Variants in RUFY1 observed in about 807,000 individuals in gnomAD.
The protein encoded by RUFY1 is RUN and FYVE domain-containing protein 1.
In RUFY1, 54 loss-of-function variants were observed where a neutral mutation model predicts 94.6. The observed-to-expected ratio is 0.57, with a 90% CI of 0.46 to 0.72. The LOEUF (loss-of-function observed/expected upper bound fraction) is 0.72. Ranked by LOEUF, RUFY1 falls within the 30% of genes least tolerant of loss-of-function variation. RUFY1 has a pLI of 0.00. For missense variants in RUFY1, 883 were observed against 883.9 expected, an observed-to-expected ratio of 1.00 and a Z score of 0.01; for synonymous variants, 396 against 347.3, an observed-to-expected ratio of 1.14 and a Z score of -1.56.
At chr5:179,583,440 G>T (rs898110340) in intron 7 of RUFY1, among the ~76,000 whole-genome samples, 4 of 144,110 alleles carry the variant, frequency 2.8e-5, no homozygotes, top group Non-Finnish European at 6.0e-5. Flanking sequence ...ATTTTAAGAC[G>T]GAGTTTTGCT....
At chr5:179,609,206 C>CAAAAA (rs5873655) in intron 17 of RUFY1, among the ~76,000 whole-genome samples, 170 bp from the exon 18 acceptor site, 2,543 of 121,214 alleles carry the variant, frequency 0.021, 45 homozygotes, top group African/African-American at 0.037. Flanking sequence ...GACTCTATCT[C>CAAAAA]AAAAAAAAAA....
chr5:179,609,364 C>T lies in RUFY1; in HGVS notation c.1984-12C>T, dbSNP rs781359338. 3 of 1,612,214 alleles carry T rather than the reference C, an allele frequency of 1.9e-6. No individual in the cohort carries two copies. The highest frequency in any genetic ancestry group is 1.3e-5 in the African/African-American group (1 of 74,892). Reference sequence around the variant, plus strand: ...CCGGGTGTCCTGTGACCGCCTTCTTCCCGTCCTGTAGCACCACTGCCGGAA... The same window carrying T: ...CCGGGTGTCCTGTGACCGCCTTCTTTCCGTCCTGTAGCACCACTGCCGGAA... On this transcript the variant is annotated splice_polypyrimidine_tract_variant and intron_variant, in intron 17 of 17. Coordinates refer to ENST00000319449, the MANE Select transcript of RUFY1 (RefSeq NM_025158.5).
intron 3 of RUFY1, among the ~76,000 whole-genome samples, chr5:179,565,519 C>CA (rs1041655870): frequency 4.0e-5 from 6 of 151,810 alleles, no homozygotes; most frequent in African/African-American, 7.3e-5. Flanking sequence ...ATTGCCCATT[C>CA]AAAAAAAATT....
At chr5:179,608,631 T>C in intron 17 of RUFY1, 3 of 985,394 alleles carry the variant, frequency 3.0e-6, no homozygotes, top group South Asian at 4.7e-5. Flanking sequence ...ACTTTTTGTC[T>C]TAAAAACACC....
chr5:179,550,616 T>G lies in RUFY1; in HGVS notation c.47T>G (p.Leu16Arg), dbSNP rs1026743910. The G allele has an allele frequency of 1.6e-5, 21 of 1,302,388 alleles. 1 individual carries two copies. In the Admixed American group the frequency reaches 4.6e-4, roughly 29 times the overall value. 80.7% of individuals were successfully genotyped at this position (1,302,388 alleles called of 1,614,324 possible). The change falls in exon 1 of 18, where the codon CTG becomes CGG. Residue 16 changes from leucine (L) to arginine (R), a missense_variant. Coordinates refer to ENST00000319449, the MANE Select transcript of RUFY1 (RefSeq NM_025158.5). ...GGCAAGRGRELEPELEPGPGP... is the reference protein window; with the variant it reads ...GGCAAGRGREREPELEPGPGP... ...TGCGCTGCTGGGCGGGGGCGGGAGC[T>G]GGAGCCGGAGCTGGAGCCGGGGCCG...
At chr5:179,555,617 C>G in intron 1 of RUFY1, 1 of 399,486 alleles carries the variant, frequency 2.5e-6, no homozygotes, top group Non-Finnish European at 4.8e-6. Context: ...AAGAAAACTC[C>G]CAACTTTTTT....
At chr5:179,560,462 G>T (rs1244025347) in intron 2 of RUFY1, among the ~76,000 whole-genome samples, 1 of 152,162 alleles carries the variant, frequency 6.6e-6, no homozygotes, top group East Asian at 1.9e-4. Flanking sequence ...GCTCACGCCT[G>T]TAATCCCAGC....
rs544706113 is a variant in RUFY1 at position 179,592,443 on chromosome 5, G to A, written c.1245+702G>A. On this transcript the variant is annotated intron_variant, in intron 10 of 17. Transcript: ENST00000319449. ...AGTTTTTTGTATTTTTAGTAGAAACGGAGTTTCACCATCTTGGGCAGGCTG... is the reference window on the plus strand; with the variant it reads ...AGTTTTTTGTATTTTTAGTAGAAACAGAGTTTCACCATCTTGGGCAGGCTG... 1.3e-4 allele frequency among the ~76,000 whole-genome samples: 20 copies of A among 152,108 alleles called. No homozygotes were observed. In the East Asian group the frequency reaches 3.7e-3, roughly 28 times the overall value.
chr5:179,579,114 C>T (rs562491380), intron 6 of RUFY1, among the ~76,000 whole-genome samples: 27 of 152,184 alleles, frequency 1.8e-4, no homozygotes, highest in Non-Finnish European at 2.4e-4. Context: ...AATATTTCAC[C>T]TTGCGCATAT....
At chr5:179,577,284 G>A in intron 6 of RUFY1, 148 bp downstream of exon 6, 1 of 549,358 alleles carries the variant, frequency 1.8e-6, no homozygotes, top group African/African-American at 2.0e-5. Flanking sequence ...CGATTCTTCT[G>A]CCTCAGCCTC....
chr5:179,559,692 A>T (rs1025754442), intron 1 of RUFY1: 72 of 1,045,016 alleles, frequency 6.9e-5, no homozygotes, highest in Non-Finnish European at 7.8e-5. Context: ...TCCATTGGTC[A>T]AAAATGGAAC....
chr5:179,593,975 T>TTA (rs78811218), intron 11 of RUFY1, among the ~76,000 whole-genome samples: 10,700 of 151,912 alleles, frequency 0.07, 430 homozygotes, highest in South Asian at 0.11. Flanking sequence ...TTTCAACGAT[T>TTA]TATTGTTTAT....
At chr5:179,601,028 G>A (rs908313881) in intron 14 of RUFY1, among the ~76,000 whole-genome samples, 1 of 152,026 alleles carries the variant, frequency 6.6e-6, no homozygotes, top group Admixed American at 6.6e-5. Flanking sequence ...GCTGATGAAT[G>A]TAACTATCCT....
rs370302684 is a variant in RUFY1 at position 179,575,054 on chromosome 5, C to G, written c.829-2021C>G. On this transcript the variant is annotated intron_variant, in intron 5 of 17. Transcript: ENST00000319449. ...CCCCACCCCCCGCCCCAGCCGCAGT[C>G]CTCCTCCCTTTCCCACAGGTGATGG... 3.0e-3 allele frequency among the ~76,000 whole-genome samples: 388 copies of G among 128,748 alleles called. 6 individuals are homozygous for G. The highest frequency in any genetic ancestry group is 0.01 in the African/African-American group (349 of 34,370). 84.5% of individuals were successfully genotyped at this position (128,748 alleles called of 152,430 possible). A position where few individuals can be genotyped will look rare whatever the true frequency, so the allele number is the denominator to read the frequency against.
chr5:179,598,008 G>GT (rs1218166591), intron 13 of RUFY1, among the ~76,000 whole-genome samples: 16 of 152,298 alleles, frequency 1.1e-4, no homozygotes, highest in African/African-American at 2.9e-4. Flanking sequence ...GGCCAACATG[G>GT]TGAAACGTCA....
chr5:179,583,272 C>G (rs970482727), intron 7 of RUFY1, among the ~76,000 whole-genome samples: 1 of 151,534 alleles, frequency 6.6e-6, no homozygotes, highest in African/African-American at 2.4e-5. Flanking sequence ...TGCACTCCAG[C>G]CTGGGTGACA....
intron 1 of RUFY1, among the ~76,000 whole-genome samples, chr5:179,551,601 C>T (rs1278374915): frequency 2.0e-5 from 3 of 151,154 alleles, no homozygotes; most frequent in Non-Finnish European, 4.4e-5. Flanking sequence ...AAGCGATCCT[C>T]CCTCCCGCCT....
chr5:179,587,023 A>G (rs1367800679), intron 8 of RUFY1, among the ~76,000 whole-genome samples: 5 of 152,188 alleles, frequency 3.3e-5, no homozygotes, highest in Admixed American at 1.3e-4. Context: ...TGAAGCTCCA[A>G]TTGAGCTTTT....
intron 3 of RUFY1, chr5:179,562,866 C>T (rs960931460): frequency 3.9e-6 from 2 of 511,242 alleles, no homozygotes; most frequent in Non-Finnish European, 7.0e-6. Context: ...TCCTGCTTGC[C>T]ACACAGGCCA....
Sources: allele counts gnomAD v4.1 joint callset (sites outside exome capture counted in the v4.1 genomes callset), GRCh38; gene constraint gnomAD v4.1.1; transcripts MANE v1.5; gene names NCBI Gene and HGNC (gene_info 2026-07-23, HGNC 2026-07-21).